The following CCDC30 variants were observed in gnomAD, a reference collection of about 807,000 sequenced individuals.
CCDC30 encodes the protein coiled-coil domain containing 30, also known as coiled-coil domain-containing protein 30.
In CCDC30, 70 loss-of-function variants were observed where a neutral mutation model predicts 100.2. The observed-to-expected ratio is 0.70, with a 90% CI of 0.58 to 0.85. The LOEUF is 0.85. Among genes scored for constraint, CCDC30 ranks in the 40% least tolerant of loss-of-function variants. The pLI, the probability that CCDC30 is intolerant of heterozygous loss-of-function variation, is 0.00. For missense variants in CCDC30, 652 were observed against 771.2 expected, an observed-to-expected ratio of 0.85 and a Z score of 1.83; for synonymous variants, 233 against 269.5, an observed-to-expected ratio of 0.86 and a Z score of 1.33.
rs570926060 is a variant in CCDC30, at chr1:42,631,772, T to C, written c.1278-5465T>C. Among the ~76,000 whole-genome samples, 6 of 152,266 alleles carry C rather than the reference T, an allele frequency of 3.9e-5. No homozygotes were observed. In the South Asian group the frequency reaches 8.3e-4, roughly 21 times the overall value. The stretch of plus-strand genomic sequence containing the variant: ...CATAGCCATTACCATCACAGGCCCA[T>C]GGAGAGTACTGCCAGACTACCGCCA... On this transcript the variant is annotated intron_variant, in intron 11 of 16. Coordinates refer to ENST00000668663, the Ensembl canonical transcript of CCDC30.
chr1:42,638,096 C>T (rs1486560895), intron 12 of CCDC30, among the ~76,000 whole-genome samples: 1 of 152,128 alleles, frequency 6.6e-6, no homozygotes, highest in African/African-American at 2.4e-5. Flanking sequence ...TCAGTGATTC[C>T]ATCAACTATC....
chr1:42,566,265 C>CT (rs1251584563), intron 6 of CCDC30, 31 bp from the exon 11 acceptor site: 2 of 1,548,468 alleles, frequency 1.3e-6, no homozygotes, highest in African/African-American at 1.4e-5. Flanking sequence ...TTCCAATTGT[C>CT]TGTGTTTCTC....
At chr1:42,500,062 G>T in intron 6 of CCDC30, 1 of 810,970 alleles carries the variant, frequency 1.2e-6, no homozygotes, top group Non-Finnish European at 2.1e-6. Context: ...GTTGTCAGTA[G>T]TTCTTTGATG....
chr1:42,566,422 C>G, exon 7 of CCDC30: 2 of 1,613,924 alleles, frequency 1.2e-6, no homozygotes, highest in Non-Finnish European at 1.7e-6. Context: ...TGAACGAGGG[C>G]AGAACTTGGA....
intron 6 of CCDC30, among the ~76,000 whole-genome samples, chr1:42,563,461 AG>A (rs1223235582): frequency 2.0e-5 from 3 of 146,864 alleles, no homozygotes; most frequent in African/African-American, 7.4e-5. Flanking sequence ...TGTTGGGGGT[AG>A]GGGGTGAGGG....
At chr1:42,456,120 A>T in the CCDC30 span, 4 of 734,672 alleles carry the variant, frequency 5.4e-6, no homozygotes, top group Non-Finnish European at 9.6e-6. Flanking sequence ...GGGCGGCGGG[A>T]CGTGACTCGA....
At chr1:42,511,346 T>C (rs977929361) in intron 6 of CCDC30, among the ~76,000 whole-genome samples, 3 of 152,184 alleles carry the variant, frequency 2.0e-5, no homozygotes, top group Admixed American at 6.5e-5. Context: ...GGAAATACTA[T>C]GTAATAGTTG....
At chr1:42,601,102 T>C (rs1261325697) in intron 10 of CCDC30, among the ~76,000 whole-genome samples, 8 of 152,156 alleles carry the variant, frequency 5.3e-5, no homozygotes. Flanking sequence ...AACAGAAAGA[T>C]AGCTGGAAAA....
chr1:42,620,691 G>A (rs183015235), intron 11 of CCDC30, among the ~76,000 whole-genome samples: 2 of 152,198 alleles, frequency 1.3e-5, no homozygotes, highest in East Asian at 3.9e-4. Flanking sequence ...TATGGTTATG[G>A]TTTATTACAG....
intron 11 of CCDC30, among the ~76,000 whole-genome samples, chr1:42,611,492 A>G (rs770400209): frequency 3.3e-5 from 5 of 152,022 alleles, no homozygotes; most frequent in African/African-American, 1.2e-4. Context: ...TGTATATTAT[A>G]TAGATGTTAT....
At chr1:42,549,787 G>A (rs936612471) in intron 6 of CCDC30, among the ~76,000 whole-genome samples, 44 of 152,284 alleles carry the variant, frequency 2.9e-4, no homozygotes, top group African/African-American at 8.9e-4. Flanking sequence ...AATTCCAATA[G>A]CAGCCCCAAG....
At chr1:42,581,637 C>T (rs1479545008) in intron 9 of CCDC30, 123 bp downstream of exon 13, 1 of 783,874 alleles carries the variant, frequency 1.3e-6, no homozygotes, top group African/African-American at 1.8e-5. Flanking sequence ...GAAGTAAACT[C>T]AGCCACACAC....
chr1:42,513,055 C>A (rs1299576029), intron 6 of CCDC30, among the ~76,000 whole-genome samples: 2 of 152,146 alleles, frequency 1.3e-5, no homozygotes, highest in African/African-American at 4.8e-5. Context: ...GATGGTTATA[C>A]CTTCTGTTCC....
chr1:42,558,515 A>G (rs1645419912), intron 6 of CCDC30, among the ~76,000 whole-genome samples: 1 of 152,198 alleles, frequency 6.6e-6, no homozygotes, highest in African/African-American at 2.4e-5. Context: ...TCATCACCCC[A>G]TCCAGCAGTA....
intron 6 of CCDC30, among the ~76,000 whole-genome samples, chr1:42,531,048 A>C (rs1047694562): frequency 2.0e-5 from 3 of 152,362 alleles, no homozygotes; most frequent in Non-Finnish European, 1.5e-5. Context: ...TGTAATATTA[A>C]ATAAAAACCC....
chr1:42,493,910 T>C (rs1644186797), intron 4 of CCDC30, among the ~76,000 whole-genome samples: 1 of 151,856 alleles, frequency 6.6e-6, no homozygotes, highest in Non-Finnish European at 1.5e-5. Context: ...AGGCGGAATT[T>C]TTAGTTAAAA....
chr1:42,481,030 G>A (rs1350003745), intron 2 of CCDC30, among the ~76,000 whole-genome samples: 1 of 151,824 alleles, frequency 6.6e-6, no homozygotes, highest in Non-Finnish European at 1.5e-5. Flanking sequence ...AGGATTGCTT[G>A]AGCCCAGGAG....
intron 6 of CCDC30, among the ~76,000 whole-genome samples, chr1:42,525,396 AGTGTTTATT>A (rs1459420677): frequency 6.6e-6 from 1 of 151,594 alleles, no homozygotes; most frequent in Non-Finnish European, 1.5e-5. Context: ...TTTTTTCTGT[AGTGTTTATT>A]GTGTTTTTAA....
At position 42,562,824 on chromosome 1, in the gene CCDC30, A is replaced by C. The variant is rs1042946375; in HGVS notation, c.457-3472A>C. 2.6e-5 allele frequency among the ~76,000 whole-genome samples: 4 copies of C among 152,252 alleles called. 1 individual carries two copies. Among genetic ancestry groups the C allele is most frequent in the Non-Finnish European group, 5.9e-5 (4 of 68,044 alleles). Reference sequence around the variant, plus strand: ...GAACAGACACTTCTCAAAAGAAGACATTTACGTGGCCAACAAACATATGAA... The same window carrying C: ...GAACAGACACTTCTCAAAAGAAGACCTTTACGTGGCCAACAAACATATGAA... On this transcript the variant is annotated intron_variant, in intron 6 of 16. Coordinates refer to ENST00000668663, the Ensembl canonical transcript of CCDC30.
Sources: allele counts gnomAD v4.1 joint callset (sites outside exome capture counted in the v4.1 genomes callset), GRCh38; gene constraint gnomAD v4.1.1; transcripts MANE v1.5; gene names NCBI Gene and HGNC (gene_info 2026-07-23, HGNC 2026-07-21).